C1orf198: variants seen among roughly 807,000 people sequenced by gnomAD.
The protein encoded by C1orf198 is uncharacterized protein C1orf198.
In C1orf198, 17 loss-of-function variants were observed where a neutral mutation model predicts 31.4. That is an observed-to-expected ratio of 0.54 (90% confidence interval 0.37 to 0.81). The LOEUF (loss-of-function observed/expected upper bound fraction) is 0.81. Among genes scored for constraint, C1orf198 ranks in the 40% least tolerant of loss-of-function variants. C1orf198 has a pLI of 0.00. For missense variants in C1orf198, 401 were observed against 450.3 expected (o/e 0.89, Z 0.99); for synonymous variants, 175 against 193.8 (o/e 0.90, Z 0.81).
At chr1:230,851,898 C>T (rs952719624) in intron 2 of C1orf198, among the ~76,000 whole-genome samples, 1 of 152,216 alleles carries the variant, frequency 6.6e-6, no homozygotes, top group African/African-American at 2.4e-5. Context: ...GTGGAATGGT[C>T]ATGGGCTGGC....
chr1:230,839,397 C>A lies in C1orf198; in HGVS notation c.*455G>T. 6.1e-6 allele frequency: 1 copy of A among 162,878 alleles called. No homozygotes were observed. The highest frequency in any genetic ancestry group is 1.8e-4 in the South Asian group (1 of 5,652). 10.1% of individuals were successfully genotyped at this position (162,878 alleles called of 1,614,324 possible). ...CCAGTCTTTCCGGGGTCACAGCCAG[C>A]ATGCTGATGTCATGGCTGATAACAT... On this transcript the variant is annotated 3_prime_UTR_variant, in exon 4 of 4. Coordinates refer to ENST00000366663, the MANE Select transcript of C1orf198 (RefSeq NM_032800.3).
chr1:230,844,073 A>G (rs1016031671), intron 2 of C1orf198, among the ~76,000 whole-genome samples, 177 bp from the exon 3 acceptor site: 3 of 152,148 alleles, frequency 2.0e-5, no homozygotes, highest in Non-Finnish European at 4.4e-5. Flanking sequence ...CAGGACTCCC[A>G]TCGCACACCT....
At chr1:230,860,721 T>C (rs1669985829) in intron 1 of C1orf198, among the ~76,000 whole-genome samples, 1 of 152,030 alleles carries the variant, frequency 6.6e-6, no homozygotes, top group African/African-American at 2.4e-5. Context: ...AAATGGGGAG[T>C]TATTGTTTAA....
chr1:230,869,005 T>C (rs1670196113), upstream of C1orf198: 1 of 152,356 alleles, frequency 6.6e-6, no homozygotes, highest in South Asian at 2.1e-4. Context: ...CTGGCTTCTG[T>C]TTTTACTCCT....
chr1:230,843,236 G>T lies in C1orf198; in HGVS notation c.927+118C>A. The T allele has an allele frequency of 2.5e-6, 3 of 1,203,066 alleles. No homozygotes were observed. Among genetic ancestry groups the T allele is most frequent in the Non-Finnish European group, 3.5e-6 (3 of 869,344 alleles). 74.5% of individuals were successfully genotyped at this position (1,203,066 alleles called of 1,614,324 possible). A position where few individuals can be genotyped will look rare whatever the true frequency, so the allele number is the denominator to read the frequency against. ...GGCATCCTCTGAGGAAGAGGCAGGG[G>T]AAGGAGAAGAAAAAGAGCATGGGCA... On this transcript the variant is annotated intron_variant, in intron 3 of 3. Coordinates refer to ENST00000366663, the MANE Select transcript of C1orf198 (RefSeq NM_032800.3). This position sits in a 1 kb window ranked among gnomAD's most constrained non-coding sequence, Gnocchi z 4.9.
intron 2 of C1orf198, among the ~76,000 whole-genome samples, chr1:230,851,977 C>T (rs935795675): frequency 3.9e-5 from 6 of 152,226 alleles, no homozygotes; most frequent in Non-Finnish European, 8.8e-5. Context: ...CGATTCTTAA[C>T]TCTGCCCATG....
chr1:230,847,670 T>C (rs1015911551), intron 2 of C1orf198, among the ~76,000 whole-genome samples: 7 of 152,232 alleles, frequency 4.6e-5, no homozygotes, highest in Non-Finnish European at 1.0e-4. Flanking sequence ...TTCTGAGTGG[T>C]GCATTCTGAA....
chr1:230,842,527 T>C (rs1464543299), intron 3 of C1orf198, among the ~76,000 whole-genome samples: 1 of 152,088 alleles, frequency 6.6e-6, no homozygotes, highest in Non-Finnish European at 1.5e-5. Flanking sequence ...CACTCATAAG[T>C]GGGAGCTAAG....
chr1:230,843,468 G>T lies in C1orf198; in HGVS notation c.813C>A (p.Phe271Leu). The change falls in exon 3 of 4, where the codon TTC becomes TTA. Residue 271 changes from phenylalanine to leucine, a missense_variant. Physicochemically the swap from Phe to Leu is conservative, Grantham distance 22. Coordinates refer to ENST00000366663, the MANE Select transcript of C1orf198 (RefSeq NM_032800.3). This position sits in a 1 kb window ranked among gnomAD's most constrained non-coding sequence, Gnocchi z 4.9. ...ERERPQPVQA[F>L]SSALHEAAPS... is the part of the protein sequence containing the mutation. Reference sequence around the variant, plus strand: ...GGGCAGCCTCGTGCAGTGCACTGCTGAAGGCCTGGACAGGCTGGGGTCTCT... The same window carrying T: ...GGGCAGCCTCGTGCAGTGCACTGCTTAAGGCCTGGACAGGCTGGGGTCTCT... 1 of 1,610,584 alleles carries T rather than the reference G, an allele frequency of 6.2e-7. No individual in the cohort carries two copies. Among genetic ancestry groups the T allele is most frequent in the South Asian group, 1.1e-5 (1 of 90,408 alleles).
At chr1:230,844,777 C>G (rs944483541) in intron 2 of C1orf198, among the ~76,000 whole-genome samples, 7 of 152,214 alleles carry the variant, frequency 4.6e-5, no homozygotes, top group Admixed American at 1.3e-4. Flanking sequence ...ACCCAGAGGG[C>G]AGGGCAGGGC....
intron 1 of C1orf198, among the ~76,000 whole-genome samples, chr1:230,862,145 A>T (rs1670018044): frequency 6.6e-6 from 1 of 151,864 alleles, no homozygotes. Flanking sequence ...CGTGCCCATC[A>T]CTCCCTCAGA....
At chr1:230,854,277 T>C (rs76146073) in intron 2 of C1orf198, among the ~76,000 whole-genome samples, 1,630 of 152,282 alleles carry the variant, frequency 0.011, 10 homozygotes, top group Non-Finnish European at 0.016. Flanking sequence ...TACCACTAGA[T>C]ATCATCTATA....
At chr1:230,852,656 A>C (rs2102983960) in intron 2 of C1orf198, among the ~76,000 whole-genome samples, 1 of 152,354 alleles carries the variant, frequency 6.6e-6, no homozygotes, top group African/African-American at 2.4e-5. Flanking sequence ...CTATACACAT[A>C]AACATGATTA....
intron 1 of C1orf198, 119 bp downstream of exon 1, chr1:230,868,061 G>T: frequency 9.2e-7 from 1 of 1,085,178 alleles, no homozygotes; most frequent in Non-Finnish European, 1.2e-6. Context: ...TGCCATTCCT[G>T]CCTTTTCTTT....
At position 230,847,102 on chromosome 1, in the gene C1orf198, CAA is replaced by C. The variant is rs71179741; in HGVS notation, c.385-3208_385-3207del. ...TGGGCGACAGAGCGAGACTCCGTCT[CAA>C]AAAAAAAAAAAAAAAAAAAAAAAAA... On this transcript the variant is annotated intron_variant, in intron 2 of 3. Transcript: ENST00000366663. Among the ~76,000 whole-genome samples, 411 of 69,600 alleles carry C rather than the reference CAA, an allele frequency of 5.9e-3. 2 individuals carry two copies. Among genetic ancestry groups the C allele is most frequent in the African/African-American group, 0.038 (388 of 10,296 alleles). 45.7% of individuals were successfully genotyped at this position (69,600 alleles called of 152,430 possible). A position where few individuals can be genotyped will look rare whatever the true frequency, so the allele number is the denominator to read the frequency against.
At chr1:230,862,668 A>G (rs1177411261) in intron 1 of C1orf198, among the ~76,000 whole-genome samples, 1 of 152,232 alleles carries the variant, frequency 6.6e-6, no homozygotes, top group African/African-American at 2.4e-5. Flanking sequence ...AGGCAAAACC[A>G]TGGAGACAGT....
At chr1:230,860,919 A>G (rs1669991320) in intron 1 of C1orf198, among the ~76,000 whole-genome samples, 1 of 152,238 alleles carries the variant, frequency 6.6e-6, no homozygotes, top group Admixed American at 6.5e-5. Flanking sequence ...AAAGTCATGG[A>G]AAGACATGGA....
rs1198544827 is a variant in C1orf198, at chr1:230,838,840, C to T, written c.*1012G>A. The T allele has an allele frequency of 6.6e-6, 1 of 152,500 alleles. No homozygotes were observed. The allele number at this position is 152,500 out of a possible 1,614,324, so 9.4% of individuals were successfully genotyped here. A position where few individuals can be genotyped will look rare whatever the true frequency, so the allele number is the denominator to read the frequency against. On this transcript the variant is annotated 3_prime_UTR_variant, in exon 4 of 4. Transcript: ENST00000366663. The surrounding 1 kb of genome is among the most constrained non-coding windows in gnomAD (Gnocchi z 4.2). ...GTCTCCATGGGCACTGCTGAGTTGA[C>T]CGCAAACTCCACTCTTCCACTTCTG...
chr1:230,859,450 G>A (rs548377449), intron 1 of C1orf198, among the ~76,000 whole-genome samples: 1 of 152,186 alleles, frequency 6.6e-6, no homozygotes, highest in Admixed American at 6.5e-5. Flanking sequence ...CTTCATTGTT[G>A]GCCAGGACTT....
Sources: allele counts gnomAD v4.1 joint callset (sites outside exome capture counted in the v4.1 genomes callset), GRCh38; gene constraint gnomAD v4.1.1; non-coding constraint Gnocchi (gnomAD v3.1); transcripts MANE v1.5; gene names NCBI Gene and HGNC (gene_info 2026-07-23, HGNC 2026-07-21).